The following PRR16 variants were observed in gnomAD, a reference collection of about 807,000 sequenced individuals.
PRR16 encodes the protein protein Largen.
Under a neutral mutation model 18.2 loss-of-function variants are expected in PRR16, and 6 were observed. That is an observed-to-expected ratio of 0.33 (90% confidence interval 0.18 to 0.65). The LOEUF is 0.65. PRR16 is among the 30% of genes least tolerant of loss of function. The pLI is 0.74. For missense variants in PRR16, 412 were observed against 376.6 expected (o/e 1.09, Z -0.78); for synonymous variants, 151 against 147.8 (o/e 1.02, Z -0.16).
the PRR16 span, among the ~76,000 whole-genome samples, chr5:120,783,303 A>G: frequency 1.3e-5 from 2 of 152,214 alleles, no homozygotes; most frequent in Admixed American, 1.3e-4. Flanking sequence ...TCAGACTTAA[A>G]GATTACAATG....
chr5:120,782,931 G>GTCATC, the PRR16 span, among the ~76,000 whole-genome samples: 1 of 152,078 alleles, frequency 6.6e-6, no homozygotes, highest in African/African-American at 2.4e-5. Context: ...GATTTAAATT[G>GTCATC]TCATCTCTCT....
At chr5:120,628,548 A>T (rs1209674335) in intron 1 of PRR16, among the ~76,000 whole-genome samples, 3 of 152,102 alleles carry the variant, frequency 2.0e-5, no homozygotes, top group African/African-American at 7.2e-5. Flanking sequence ...AAAGGATAAA[A>T]AAATTGTAGG....
intron 1 of PRR16, among the ~76,000 whole-genome samples, chr5:120,598,505 G>C (rs1402326531): frequency 1.3e-5 from 2 of 151,694 alleles, no homozygotes; most frequent in African/African-American, 4.8e-5. Flanking sequence ...CTGAGATTCA[G>C]GGTATGACTG....
intron 1 of PRR16, among the ~76,000 whole-genome samples, chr5:120,492,863 A>T (rs1245539380): frequency 9.2e-5 from 14 of 152,188 alleles, no homozygotes; most frequent in Admixed American, 9.2e-4. Context: ...CTCCAGTTCC[A>T]TCCAAGTTGC....
At chr5:120,784,656 C>T in the PRR16 span, among the ~76,000 whole-genome samples, 533 of 152,158 alleles carry the variant, frequency 3.5e-3, 6 homozygotes, top group African/African-American at 0.012. Flanking sequence ...TTCTCAAAGA[C>T]GAAATACCTG....
chr5:120,651,506 T>A (rs904947355), intron 1 of PRR16, among the ~76,000 whole-genome samples: 3 of 152,322 alleles, frequency 2.0e-5, no homozygotes, highest in Admixed American at 6.5e-5. Context: ...AATTTTCATA[T>A]AAGGTGTAAG....
chr5:120,778,886 G>A, the PRR16 span, among the ~76,000 whole-genome samples: 2 of 152,124 alleles, frequency 1.3e-5, no homozygotes, highest in Admixed American at 6.5e-5. Flanking sequence ...AGCATCAGTG[G>A]ATATTAGAGA....
chr5:120,566,285 T>C (rs944216384), intron 1 of PRR16, among the ~76,000 whole-genome samples: 2 of 152,178 alleles, frequency 1.3e-5, no homozygotes, highest in Non-Finnish European at 2.9e-5. Context: ...CTTCCTTGCC[T>C]CCAGAACTGT....
intron 1 of PRR16, among the ~76,000 whole-genome samples, chr5:120,487,771 A>G (rs1010274321): frequency 8.5e-5 from 13 of 152,058 alleles, no homozygotes; most frequent in Non-Finnish European, 1.5e-4. Context: ...TTAGTATGAT[A>G]TTGGCTGTGG....
At chr5:120,620,754 T>TC (rs35135776) in intron 1 of PRR16, among the ~76,000 whole-genome samples, 2 of 152,054 alleles carry the variant, frequency 1.3e-5, no homozygotes, top group African/African-American at 2.4e-5. Flanking sequence ...CCTAGTTTAC[T>TC]CCCCCTCCAC....
At chr5:120,628,898 T>G (rs1030481266) in intron 1 of PRR16, among the ~76,000 whole-genome samples, 7 of 152,080 alleles carry the variant, frequency 4.6e-5, no homozygotes, top group Admixed American at 4.6e-4. Flanking sequence ...ACTTTTATTT[T>G]AAGTTCAGAG....
the PRR16 span, among the ~76,000 whole-genome samples, chr5:120,719,771 G>A: frequency 6.6e-6 from 1 of 151,944 alleles, no homozygotes; most frequent in Non-Finnish European, 1.5e-5. Context: ...TATGACCCTT[G>A]TCTTTGGCAC....
intron 1 of PRR16, among the ~76,000 whole-genome samples, chr5:120,622,883 T>C (rs1307493315): frequency 2.6e-5 from 4 of 152,186 alleles, no homozygotes; most frequent in African/African-American, 4.8e-5. Context: ...AAAAAGGAAT[T>C]TGATTTGCAG....
intron 1 of PRR16, among the ~76,000 whole-genome samples, chr5:120,596,449 G>A (rs1753817023): frequency 6.6e-6 from 1 of 151,564 alleles, no homozygotes; most frequent in African/African-American, 2.4e-5. Flanking sequence ...CTATGTATTT[G>A]GGGCCATTTA....
At chr5:120,687,678 G>A (rs1169360781), downstream of PRR16, among the ~76,000 whole-genome samples, 1 of 152,154 alleles carries the variant, frequency 6.6e-6, no homozygotes, top group African/African-American at 2.4e-5. Context: ...ATTATAGGGG[G>A]ATATCTGAAT....
the PRR16 span, among the ~76,000 whole-genome samples, chr5:120,775,279 T>C: frequency 4.0e-3 from 612 of 152,282 alleles, 2 homozygotes; most frequent in Middle Eastern, 0.01. Context: ...TATTTTTCCA[T>C]AACCTCCTCT....
At chr5:120,681,201 G>C (rs1001422786) in intron 1 of PRR16, among the ~76,000 whole-genome samples, 1 of 151,842 alleles carries the variant, frequency 6.6e-6, no homozygotes, top group Non-Finnish European at 1.5e-5. Context: ...GATGCTTTTC[G>C]TTGTCATTTT....
At chr5:120,766,359 C>G in the PRR16 span, among the ~76,000 whole-genome samples, 3 of 151,902 alleles carry the variant, frequency 2.0e-5, no homozygotes, top group East Asian at 5.8e-4. Flanking sequence ...TAAAGTTAAG[C>G]ATTAAGAAAA....
chr5:120,543,159 C>T (rs1751967363), intron 1 of PRR16, among the ~76,000 whole-genome samples: 1 of 152,096 alleles, frequency 6.6e-6, no homozygotes, highest in Non-Finnish European at 1.5e-5. Flanking sequence ...TTGTAATTAT[C>T]AAACTCTTAA....
Sources: allele counts gnomAD v4.1 joint callset (sites outside exome capture counted in the v4.1 genomes callset), GRCh38; gene constraint gnomAD v4.1.1; transcripts MANE v1.5; gene names NCBI Gene and HGNC (gene_info 2026-07-23, HGNC 2026-07-21).